Variants in DTWD2 observed in about 807,000 individuals in gnomAD.
DTWD2 encodes DTW motif tRNA-uridine aminocarboxypropyltransferase 2, also known as tRNA-uridine aminocarboxypropyltransferase 2.
A neutral mutation model predicts 31.8 loss-of-function variants in DTWD2; 39 were observed. The observed-to-expected ratio is 1.22, with a 90% confidence interval of 0.95 to 1.60. The LOEUF (loss-of-function observed/expected upper bound fraction) is 1.60, where lower values mean the gene tolerates loss of function less well. Ranked by LOEUF, DTWD2 falls within the 40% of genes most tolerant of loss-of-function variation. The pLI is 0.00. For missense variants in DTWD2, 515 were observed against 381.5 expected, an observed-to-expected ratio of 1.35 and a Z score of -2.92; for synonymous variants, 180 against 142.8, an observed-to-expected ratio of 1.26 and a Z score of -1.86.
At chr5:118,971,900 C>T (rs2149598740) in intron 1 of DTWD2, among the ~76,000 whole-genome samples, 1 of 152,276 alleles carries the variant, frequency 6.6e-6, no homozygotes, top group South Asian at 2.1e-4. Flanking sequence ...TTAAGGCAGA[C>T]ATCAAGAAGT....
At chr5:118,965,297 T>C (rs984369376) in intron 1 of DTWD2, among the ~76,000 whole-genome samples, 1 of 149,706 alleles carries the variant, frequency 6.7e-6, no homozygotes, top group African/African-American at 2.5e-5. Flanking sequence ...AGCCTCCCCG[T>C]CCGGGAGGTG....
Position 118,928,703 on chromosome 5 carries a change from C to A in DTWD2, c.431G>T (p.Arg144Leu), listed in dbSNP as rs759367172. The stretch of plus-strand genomic sequence containing the variant: ...ATATAATATTAATGTACCAGACTTC[C>A]GGCAAACAGTTGAAAGTTCAGGATC... ...ERDPELSTVC[R>L]KSGTLILYPG... is the part of the protein sequence containing the mutation. Residue 144 changes from arginine to leucine, a missense_variant, in exon 4 of 6, where the codon CGG becomes CTG. Physicochemically the swap from Arg to Leu is moderately radical, Grantham distance 102 (BLOSUM62 -2). Coordinates refer to ENST00000510708, the MANE Select transcript of DTWD2 (RefSeq NM_173666.4). The A allele has an allele frequency of 3.8e-6, 6 of 1,569,488 alleles. No homozygotes were observed. Among genetic ancestry groups the A allele is most frequent in the Middle Eastern group, 1.7e-4 (1 of 5,902 alleles).
At chr5:118,899,527 C>T (rs533094089) in intron 4 of DTWD2, among the ~76,000 whole-genome samples, 1 of 152,174 alleles carries the variant, frequency 6.6e-6, no homozygotes, top group South Asian at 2.1e-4. Flanking sequence ...CATACATAAG[C>T]GTTTTCTGGA....
chr5:118,940,655 A>AGT (rs1217922746), intron 2 of DTWD2, among the ~76,000 whole-genome samples: 3 of 152,240 alleles, frequency 2.0e-5, no homozygotes, highest in African/African-American at 7.2e-5. Flanking sequence ...AAAGAGAGAG[A>AGT]GAAATATATC....
intron 4 of DTWD2, among the ~76,000 whole-genome samples, chr5:118,908,137 G>A (rs1470761101): frequency 6.6e-6 from 1 of 152,082 alleles, no homozygotes; most frequent in Non-Finnish European, 1.5e-5. Context: ...AGATGAAACA[G>A]ATGTAGTTTT....
At chr5:118,942,896 G>A (rs1476920396) in intron 2 of DTWD2, among the ~76,000 whole-genome samples, 1 of 151,952 alleles carries the variant, frequency 6.6e-6, no homozygotes, top group African/African-American at 2.4e-5. Context: ...TAAAACTCCT[G>A]TACAGAAGGG....
chr5:118,978,019 A>T (rs985627345), intron 1 of DTWD2, among the ~76,000 whole-genome samples: 1 of 152,204 alleles, frequency 6.6e-6, no homozygotes, highest in Non-Finnish European at 1.5e-5. Flanking sequence ...AGACCAATGG[A>T]ACAGAATAGA....
intron 1 of DTWD2, among the ~76,000 whole-genome samples, chr5:118,946,989 A>C (rs1422503259): frequency 1.3e-5 from 2 of 152,110 alleles, no homozygotes; most frequent in South Asian, 2.1e-4. Context: ...TGATCCGCCC[A>C]CCTCAGCCTC....
At chr5:118,920,659 T>C (rs189492361) in intron 4 of DTWD2, among the ~76,000 whole-genome samples, 2 of 152,308 alleles carry the variant, frequency 1.3e-5, no homozygotes, top group East Asian at 1.9e-4. Flanking sequence ...TTGAACTAAA[T>C]TGTATTTCTA....
At chr5:118,960,055 G>A (rs1754673332) in intron 1 of DTWD2, among the ~76,000 whole-genome samples, 1 of 152,112 alleles carries the variant, frequency 6.6e-6, no homozygotes, top group African/African-American at 2.4e-5. Flanking sequence ...TGATGAAGAT[G>A]CTAAAAGCAA....
At chr5:118,973,304 T>A (rs1755034052) in intron 1 of DTWD2, among the ~76,000 whole-genome samples, 1 of 152,212 alleles carries the variant, frequency 6.6e-6, no homozygotes, top group African/African-American at 2.4e-5. Flanking sequence ...ATTATGATGT[T>A]AGCTGGTTAT....
At chr5:118,863,499 T>G (rs1159333769) in intron 4 of DTWD2, among the ~76,000 whole-genome samples, 1 of 152,192 alleles carries the variant, frequency 6.6e-6, no homozygotes, top group East Asian at 1.9e-4. Context: ...CAACTGCATA[T>G]CTACTGCATA....
intron 5 of DTWD2, among the ~76,000 whole-genome samples, chr5:118,841,386 G>A (rs1383981155): frequency 6.6e-6 from 1 of 152,114 alleles, no homozygotes; most frequent in Non-Finnish European, 1.5e-5. Flanking sequence ...ACAAAAAATT[G>A]TTGCCATTAT....
chr5:118,972,422 A>T (rs988789812), intron 1 of DTWD2, among the ~76,000 whole-genome samples: 7 of 152,214 alleles, frequency 4.6e-5, no homozygotes, highest in Non-Finnish European at 8.8e-5. Context: ...ACGAACCAGG[A>T]AGAAATTGAG....
At chr5:118,892,536 C>CA (rs1294976344) in intron 4 of DTWD2, among the ~76,000 whole-genome samples, 2 of 151,872 alleles carry the variant, frequency 1.3e-5, no homozygotes, top group African/African-American at 2.4e-5. Context: ...GTATATTTGA[C>CA]AAAAAACATT....
chr5:118,973,899 C>A (rs1198108753), intron 1 of DTWD2: 2 of 1,608,424 alleles, frequency 1.2e-6, no homozygotes, highest in Admixed American at 1.7e-5. Context: ...GACGCCCCTG[C>A]TAACGGGAAT....
intron 3 of DTWD2, among the ~76,000 whole-genome samples, chr5:118,938,193 T>A (rs1034315124): frequency 6.6e-6 from 1 of 151,858 alleles, no homozygotes; most frequent in Non-Finnish European, 1.5e-5. Context: ...ACTAAAGGTA[T>A]CAGTTATTGC....
intron 4 of DTWD2, among the ~76,000 whole-genome samples, chr5:118,878,159 T>A (rs1002094564): frequency 6.6e-6 from 1 of 152,100 alleles, no homozygotes; most frequent in Non-Finnish European, 1.5e-5. Context: ...AGAAAAAAAC[T>A]AATTTAAAGT....
intron 4 of DTWD2, among the ~76,000 whole-genome samples, chr5:118,877,245 G>A (rs1416447434): frequency 4.6e-5 from 7 of 152,174 alleles, no homozygotes. Flanking sequence ...GACCGAGGCA[G>A]GTGGATCACA....
Sources: gnomAD v4.1 joint callset for allele counts (sites outside exome capture counted in the v4.1 genomes callset) on GRCh38, gnomAD v4.1.1 for gene constraint, MANE v1.5 for transcripts, NCBI Gene and HGNC (gene_info 2026-07-23, HGNC 2026-07-21) for gene names.